Variants in PSMB2 observed in about 807,000 individuals in gnomAD.
PSMB2 encodes the protein proteasome subunit beta type-2.
PSMB2 carries 13 observed loss-of-function variants against 25.7 expected under a neutral mutation model. The observed-to-expected ratio is 0.51, with a 90% CI of 0.33 to 0.80. PSMB2 has a LOEUF of 0.80. Ranked by LOEUF, PSMB2 falls within the 30% of genes least tolerant of loss-of-function variation. PSMB2 has a pLI of 0.02. For missense variants in PSMB2, 202 were observed against 259.0 expected (o/e 0.78, Z 1.51); for synonymous variants, 87 against 96.2 (o/e 0.90, Z 0.56).
rs757746714 is a variant in PSMB2, at chr1:35,631,335, A to G, written c.224T>C (p.Leu75Ser). The change falls in exon 3 of 6, where the codon TTG (leucine) becomes TCG (serine). Residue 75 changes from leucine to serine, a missense_variant. Transcript: ENST00000373237. ...GAAGTTAGCTGCTGCCGTGGGAGACAATTCATATCCTGGTAGAAGAGATAA... is the reference window on the plus strand; with the variant it reads ...GAAGTTAGCTGCTGCCGTGGGAGACGATTCATATCCTGGTAGAAGAGATAA... ...QLYKMRNGYE[L>S]SPTAAANFTR... 4 of 1,614,158 alleles carry G rather than the reference A, an allele frequency of 2.5e-6. No homozygotes were observed. In the Admixed American group the frequency reaches 6.7e-5, roughly 27 times the overall value.
At chr1:35,640,255 A>G (rs897862396) in intron 1 of PSMB2, among the ~76,000 whole-genome samples, 1 of 152,144 alleles carries the variant, frequency 6.6e-6, no homozygotes, top group Non-Finnish European at 1.5e-5. Context: ...TTTGACAAAT[A>G]TGTTTGGGCA....
chr1:35,620,596 C>T (rs1010662931), intron 3 of PSMB2, among the ~76,000 whole-genome samples: 1 of 149,448 alleles, frequency 6.7e-6, no homozygotes, highest in African/African-American at 2.4e-5. Context: ...TCTGCCTCCT[C>T]GGGTGCCTGT....
chr1:35,619,102 T>A (rs1463971375), intron 3 of PSMB2, among the ~76,000 whole-genome samples: 1 of 152,230 alleles, frequency 6.6e-6, no homozygotes, highest in Non-Finnish European at 1.5e-5. Flanking sequence ...TCTCCGAAAG[T>A]ATATTTGGTA....
chr1:35,610,658 G>A lies in PSMB2; in HGVS notation c.286-1250C>T, dbSNP rs562607749. Reference sequence around the variant, plus strand: ...TGACAGGCGCCCTCCACCACACCCGGCTAATTTTCGTATTTTTAGTAGAGA... The same window carrying A: ...TGACAGGCGCCCTCCACCACACCCGACTAATTTTCGTATTTTTAGTAGAGA... On this transcript the variant is annotated intron_variant, in intron 3 of 5. Transcript: ENST00000373237. Among the ~76,000 whole-genome samples, 18 of 152,146 alleles carry A rather than the reference G, an allele frequency of 1.2e-4. No homozygotes were observed. In the East Asian group the frequency reaches 3.1e-3, roughly 26 times the overall value.
At chr1:35,637,376 C>T (rs775335676) in intron 1 of PSMB2, among the ~76,000 whole-genome samples, 4 of 152,122 alleles carry the variant, frequency 2.6e-5, no homozygotes, top group Non-Finnish European at 5.9e-5. Context: ...ATTTAAAATA[C>T]CTCACAAAAA....
At chr1:35,628,633 T>TATATGTATATA (rs1557456684) in intron 3 of PSMB2, among the ~76,000 whole-genome samples, 16 of 46,978 alleles carry the variant, frequency 3.4e-4, no homozygotes, top group African/African-American at 1.3e-3. Context: ...ATATATATAT[T>TATATGTATATA]TTTTTTTTTT....
At chr1:35,633,634 C>T (rs1651163557) in intron 2 of PSMB2, among the ~76,000 whole-genome samples, 1 of 152,186 alleles carries the variant, frequency 6.6e-6, no homozygotes, top group Admixed American at 6.5e-5. Flanking sequence ...TACTGACATA[C>T]TTCATTTGTT....
At position 35,600,618 on chromosome 1, in the gene PSMB2, T is replaced by C; in HGVS notation, c.*2649A>G. On this transcript the variant is annotated 3_prime_UTR_variant, in exon 6 of 6. Coordinates refer to ENST00000373237, the MANE Select transcript of PSMB2 (RefSeq NM_002794.5). ...TAGAGGCGGTTTGGAGAGGGGCAGATGGTAAGGCTCAGCTTTAGACATACT... is the reference window on the plus strand; with the variant it reads ...TAGAGGCGGTTTGGAGAGGGGCAGACGGTAAGGCTCAGCTTTAGACATACT... 1.0e-6 allele frequency: 1 copy of C among 985,394 alleles called. No individual in the cohort carries two copies. The allele number at this position is 985,394 out of a possible 1,614,324, so 61.0% of individuals were successfully genotyped here.
intron 3 of PSMB2, among the ~76,000 whole-genome samples, chr1:35,617,436 T>C (rs143284019): frequency 1.2e-3 from 183 of 152,242 alleles, no homozygotes; most frequent in African/African-American, 4.0e-3. Flanking sequence ...AAGTAAAAAA[T>C]ACACAGTTTA....
intron 2 of PSMB2, among the ~76,000 whole-genome samples, chr1:35,635,175 C>A (rs1454284192): frequency 6.6e-6 from 1 of 151,614 alleles, no homozygotes; most frequent in East Asian, 1.9e-4. Context: ...AGGAGGATTG[C>A]TTGAACCTGG....
chr1:35,605,274 G>A lies in PSMB2; in HGVS notation c.457C>T (p.Arg153Cys), dbSNP rs553170301. 30 of 1,612,962 alleles carry A rather than the reference G, an allele frequency of 1.9e-5. No homozygotes were observed. The African/African-American group carries it at 1.9e-4, about 10-fold the overall frequency. ...CTAAGGAGTTCCACTGCCCTCTCACGTGAGATAGCTGAAAGAGAACACAGA... is the reference window on the plus strand; with the variant it reads ...CTAAGGAGTTCCACTGCCCTCTCACATGAGATAGCTGAAAGAGAACACAGA... Reference protein sequence around the residue: ...LDRYYTPTISRERAVELLRKC... With the variant: ...LDRYYTPTISCERAVELLRKC... Residue 153 changes from arginine to cysteine, a missense_variant, in exon 5 of 6, where the codon CGT becomes TGT. By Grantham distance (180) the Arg-to-Cys change is radical. Coordinates refer to ENST00000373237, the MANE Select transcript of PSMB2 (RefSeq NM_002794.5).
At chr1:35,615,396 T>A (rs143496599) in intron 3 of PSMB2, among the ~76,000 whole-genome samples, 1 of 152,364 alleles carries the variant, frequency 6.6e-6, no homozygotes, top group East Asian at 1.9e-4. Flanking sequence ...ACAGGCAAAC[T>A]TTACTTAAGT....
chr1:35,604,022 T>A (rs1452571472), intron 5 of PSMB2, among the ~76,000 whole-genome samples: 18 of 120,826 alleles, frequency 1.5e-4, no homozygotes, highest in Admixed American at 1.0e-3. Flanking sequence ...GTGAGATCCA[T>A]CTCTTAAAAA....
intron 3 of PSMB2, among the ~76,000 whole-genome samples, chr1:35,616,661 T>C (rs575323337): frequency 1.3e-5 from 2 of 152,344 alleles, no homozygotes; most frequent in South Asian, 2.1e-4. Context: ...TAAATACCCA[T>C]GATGATAGAT....
chr1:35,636,554 A>C, intron 1 of PSMB2, 122 bp from the exon 2 acceptor site: 1 of 1,146,778 alleles, frequency 8.7e-7, no homozygotes, highest in East Asian at 2.7e-5. Flanking sequence ...TGGATTCTGA[A>C]TCCACAATTC....
Position 35,600,756 on chromosome 1 carries a change from A to G in PSMB2, c.*2511T>C. The G allele has an allele frequency of 1.0e-6, 1 of 985,456 alleles. No individual in the cohort carries two copies. Among genetic ancestry groups the G allele is most frequent in the Non-Finnish European group, 1.2e-6 (1 of 829,946 alleles). The allele number at this position is 985,456 out of a possible 1,614,324, so 61.0% of individuals were successfully genotyped here. On this transcript the variant is annotated 3_prime_UTR_variant, in exon 6 of 6. Transcript: ENST00000373237. ...ACACTGAGAGTCAGGATGGGTTTGC[A>G]GGCTTGCCTGAGATTGCCCTGGGGA...
At chr1:35,622,047 T>C (rs1176494270) in intron 3 of PSMB2, among the ~76,000 whole-genome samples, 1 of 152,016 alleles carries the variant, frequency 6.6e-6, no homozygotes, top group Non-Finnish European at 1.5e-5. Flanking sequence ...CGAATGAACA[T>C]AGTAAATATA....
intron 3 of PSMB2, among the ~76,000 whole-genome samples, chr1:35,615,894 G>A (rs894424064): frequency 1.3e-5 from 2 of 152,214 alleles, no homozygotes; most frequent in African/African-American, 4.8e-5. Context: ...TTTGTCTAGA[G>A]ATGAGTGTTT....
At chr1:35,632,961 T>C (rs764971669) in intron 2 of PSMB2, among the ~76,000 whole-genome samples, 4 of 152,030 alleles carry the variant, frequency 2.6e-5, no homozygotes, top group Non-Finnish European at 5.9e-5. Flanking sequence ...CTCACACCTG[T>C]AATCCCAGAA....
Sources: gnomAD v4.1 joint callset for allele counts (sites outside exome capture counted in the v4.1 genomes callset) on GRCh38, gnomAD v4.1.1 for gene constraint, MANE v1.5 for transcripts, NCBI Gene and HGNC (gene_info 2026-07-23, HGNC 2026-07-21) for gene names.